The following IQSEC3 variants were observed in gnomAD, a reference collection of about 807,000 sequenced individuals.
IQSEC3 encodes the protein IQ motif and SEC7 domain-containing protein 3.
IQSEC3 carries 50 observed loss-of-function variants against 105.4 expected under a neutral mutation model. That is an observed-to-expected ratio of 0.47 (90% CI 0.38 to 0.60). The LOEUF is 0.60. IQSEC3 is among the 20% of genes least tolerant of loss of function. The probability of loss-of-function intolerance (pLI) is 0.00; values close to 1 mark genes in which losing one functional copy is unlikely to be tolerated. For missense variants in IQSEC3, 1,415 were observed against 1,630.0 expected (o/e 0.87, Z 2.27); for synonymous variants, 708 against 746.0 (o/e 0.95, Z 0.83).
intron 3 of IQSEC3, among the ~76,000 whole-genome samples, chr12:135,366 A>G (rs1865729123): frequency 6.6e-6 from 1 of 152,194 alleles, no homozygotes; most frequent in African/African-American, 2.4e-5. Flanking sequence ...TTTCCACAGG[A>G]GCAGGAACAG....
chr12:165,711 C>G lies in IQSEC3; in HGVS notation c.2810-18C>G. ...CTGCTGCTCACAGCCCACTGGGGGC[C>G]TGGGGTCTGCTTTCCAGATTACTCT... On this transcript the variant is annotated intron_variant, in intron 10 of 13. Coordinates refer to ENST00000538872, the MANE Select transcript of IQSEC3 (RefSeq NM_001170738.2). The G allele has an allele frequency of 6.2e-7, 1 of 1,612,410 alleles. No homozygotes were observed. Among genetic ancestry groups the G allele is most frequent in the African/African-American group, 1.3e-5 (1 of 75,034 alleles).
At position 138,908 on chromosome 12, in the gene IQSEC3, G is replaced by C; in HGVS notation, c.1545G>C (p.Thr515=). The change falls in exon 4 of 14, where the codon ACG becomes ACC. Residue 515 remains threonine, a synonymous_variant. Transcript: ENST00000538872. The surrounding 1 kb of genome is among the most constrained non-coding windows in gnomAD (Gnocchi z 7.1). ...TGGCCAACTGCCTGGGCGCTCAGAC[G>C]GTCCAGGCCCCCGCAGAGCCCGCGG... ...LSVANCLGAQ[T]VQAPAEPAAG... The C allele has an allele frequency of 3.1e-6, 5 of 1,606,578 alleles. No homozygotes were observed. The highest frequency in any genetic ancestry group is 3.3e-4 in the Middle Eastern group (2 of 6,050).
chr12:106,028 G>A (rs773899329), intron 2 of IQSEC3, among the ~76,000 whole-genome samples: 5 of 152,158 alleles, frequency 3.3e-5, no homozygotes, highest in East Asian at 1.9e-4. Context: ...ACTCTGTGTC[G>A]GTTTTGTGTC....
At chr12:104,295 T>C (rs1864566513) in intron 2 of IQSEC3, among the ~76,000 whole-genome samples, 1 of 152,170 alleles carries the variant, frequency 6.6e-6, no homozygotes, top group Non-Finnish European at 1.5e-5. Context: ...CAACGTCTTT[T>C]CAAAGAGCTG....
intron 1 of IQSEC3, among the ~76,000 whole-genome samples, chr12:73,794 G>A (rs552624863): frequency 6.6e-6 from 1 of 152,384 alleles, no homozygotes; most frequent in Admixed American, 6.5e-5. Context: ...ACACTGCCAG[G>A]CCACCTTTCT....
chr12:174,857 T>C lies in IQSEC3; in HGVS notation c.3373T>C (p.Ser1125Pro), dbSNP rs1361886338. The part of the protein sequence containing the change: ...SQALSCYTSS[S>P]SDSCGSTPLG... ...GGCTCTCTCCTGCTACACCTCGTCGTCCTCTGACTCCTGCGGCTCCACACC... is the reference window on the plus strand; with the variant it reads ...GGCTCTCTCCTGCTACACCTCGTCGCCCTCTGACTCCTGCGGCTCCACACC... Residue 1125 changes from serine to proline, a missense_variant, in exon 14 of 14, where the codon TCC (serine) becomes CCC (proline). Physicochemically the swap from Ser to Pro is moderately conservative, Grantham distance 74. Around this residue, in one of 6 missense-constraint regions of IQSEC3, gnomAD observed 419 missense variants for 436.2 expected, o/e 0.96. Coordinates refer to ENST00000538872, the MANE Select transcript of IQSEC3 (RefSeq NM_001170738.2). The C allele has an allele frequency of 6.3e-7, 1 of 1,578,788 alleles. No individual in the cohort carries two copies. Among genetic ancestry groups the C allele is most frequent in the Non-Finnish European group, 8.5e-7 (1 of 1,171,090 alleles).
At chr12:107,373 C>CAGGA (rs2136934517) in intron 2 of IQSEC3, among the ~76,000 whole-genome samples, 1 of 150,670 alleles carries the variant, frequency 6.6e-6, no homozygotes, top group African/African-American at 2.4e-5. Flanking sequence ...GGCCTTAACC[C>CAGGA]AGGAGGTTTC....
At position 157,017 on chromosome 12, in the gene IQSEC3, G is replaced by A; in HGVS notation, c.2154-8G>A. 1.3e-6 allele frequency: 2 copies of A among 1,589,960 alleles called. No individual in the cohort carries two copies. The highest frequency in any genetic ancestry group is 1.2e-5 in the South Asian group (1 of 86,800). On this transcript the variant is annotated splice_polypyrimidine_tract_variant and splice_region_variant and intron_variant, in intron 5 of 13. Coordinates refer to ENST00000538872, the MANE Select transcript of IQSEC3 (RefSeq NM_001170738.2). ...ACCTGACCTCACACCCTCCCTGCCTGCCCTCAGCTGCGTGGTGGACGAGAT... is the reference window on the plus strand; with the variant it reads ...ACCTGACCTCACACCCTCCCTGCCTACCCTCAGCTGCGTGGTGGACGAGAT...
intron 1 of IQSEC3, among the ~76,000 whole-genome samples, chr12:78,157 C>T (rs1465233441): frequency 6.6e-6 from 1 of 151,022 alleles, no homozygotes; most frequent in Non-Finnish European, 1.5e-5. Flanking sequence ...AGCCGCCCGC[C>T]CACGGTGTCT....
Position 157,692 on chromosome 12 carries a change from G to A in IQSEC3, c.2441G>A (p.Arg814Gln), listed in dbSNP as rs1555094915. The A allele has an allele frequency of 2.5e-6, 4 of 1,610,798 alleles. No homozygotes were observed. The highest frequency in any genetic ancestry group is 1.3e-5 in the African/African-American group (1 of 74,878). Residue 814 changes from arginine (R) to glutamine (Q), a missense_variant and splice_region_variant, in exon 7 of 14, where the codon CGA (arginine) becomes CAA (glutamine). Transcript: ENST00000538872. The part of the protein sequence containing the change: ...MMLEDFIRNL[R>Q]GVDDGADIPR... The stretch of plus-strand genomic sequence containing the variant: ...CTGGAGGACTTCATCCGAAACCTTC[G>A]AGGTGAGGAGGTGGGCACTGGGGCA...
chr12:140,964 T>A, intron 4 of IQSEC3, 160 bp from the exon 5 acceptor site: 1 of 674,422 alleles, frequency 1.5e-6, no homozygotes, highest in South Asian at 2.1e-5. Flanking sequence ...ATCCTCTGCG[T>A]GAGGACATTC....
At chr12:171,706 A>G (rs1023545538) in intron 13 of IQSEC3, among the ~76,000 whole-genome samples, 2 of 151,650 alleles carry the variant, frequency 1.3e-5, no homozygotes, top group Non-Finnish European at 2.9e-5. Context: ...GGGAGGGGGA[A>G]CTCCTCCCCG....
rs987844018 is a variant in IQSEC3, at chr12:144,494, C to T, written c.2153+3209C>T. 5.9e-5 allele frequency: 9 copies of T among 152,358 alleles called. No individual in the cohort carries two copies. The East Asian group carries it at 7.7e-4, about 13-fold the overall frequency. 9.4% of individuals were successfully genotyped at this position (152,358 alleles called of 1,614,324 possible). A position where few individuals can be genotyped will look rare whatever the true frequency, so the allele number is the denominator to read the frequency against. On this transcript the variant is annotated intron_variant, in intron 5 of 13. Coordinates refer to ENST00000538872, the MANE Select transcript of IQSEC3 (RefSeq NM_001170738.2). ...AAACAGCCCAAACCGCAGCACTCTC[C>T]CAAGAAGCAGCCGATGAGGAAGAGC... is the stretch of plus-strand genomic sequence containing the variant.
intron 1 of IQSEC3, among the ~76,000 whole-genome samples, chr12:68,625 C>G (rs2136850758): frequency 6.6e-6 from 1 of 152,376 alleles, no homozygotes; most frequent in Non-Finnish European, 1.5e-5. Context: ...GGAAATTGTC[C>G]CTGGTCAGCA....
intron 5 of IQSEC3, among the ~76,000 whole-genome samples, chr12:146,002 G>A (rs1866251320): frequency 6.6e-6 from 1 of 152,194 alleles, no homozygotes. Flanking sequence ...CACTGCGTCT[G>A]CTCCATCCTT....
chr12:121,255 A>G (rs1865209796), intron 2 of IQSEC3, among the ~76,000 whole-genome samples: 1 of 152,262 alleles, frequency 6.6e-6, no homozygotes, highest in Admixed American at 6.5e-5. Context: ...TTCCAGTTCC[A>G]TAAGAGACTG....
intron 5 of IQSEC3, among the ~76,000 whole-genome samples, chr12:151,361 T>G (rs1376407102): frequency 1.3e-5 from 2 of 152,202 alleles, no homozygotes; most frequent in Non-Finnish European, 2.9e-5. Context: ...GATGCACCAG[T>G]GATGCCTCCC....
At chr12:130,081 T>A (rs1317512737) in intron 3 of IQSEC3, among the ~76,000 whole-genome samples, 3 of 152,176 alleles carry the variant, frequency 2.0e-5, no homozygotes, top group African/African-American at 4.8e-5. Context: ...CCATGGGTTG[T>A]CCCTCTCCCC....
At chr12:110,997 A>AC (rs1201708983) in intron 2 of IQSEC3, among the ~76,000 whole-genome samples, 2 of 151,436 alleles carry the variant, frequency 1.3e-5, no homozygotes, top group African/African-American at 4.9e-5. Flanking sequence ...CTTCTTCGTG[A>AC]CCCCCCGATT....
Sources: allele counts gnomAD v4.1 joint callset (sites outside exome capture counted in the v4.1 genomes callset), GRCh38; gene constraint gnomAD v4.1.1; regional missense constraint gnomAD v4.1.1; non-coding constraint Gnocchi (gnomAD v3.1); transcripts MANE v1.5; gene names NCBI Gene and HGNC (gene_info 2026-07-23, HGNC 2026-07-21).